STX18: variants seen among roughly 807,000 people sequenced by gnomAD.
The protein encoded by STX18 is syntaxin 18.
A neutral mutation model predicts 50.1 loss-of-function variants in STX18; 40 were observed. The ratio of observed to expected loss-of-function variants is 0.80; its 90% CI spans 0.62 to 1.04. The LOEUF is 1.04. Among genes scored for constraint, STX18 ranks in the 50% least tolerant of loss-of-function variants. The pLI is 0.00. For synonymous variants in STX18, 158 were observed against 151.8 expected (o/e 1.04, Z -0.30); for missense variants, 410 against 415.8 (o/e 0.99, Z 0.12).
intron 5 of STX18, among the ~76,000 whole-genome samples, chr4:4,455,601 C>T (rs762374245): frequency 9.2e-5 from 14 of 152,160 alleles, no homozygotes; most frequent in Non-Finnish European, 1.6e-4. Flanking sequence ...GCAAAACATG[C>T]GGTTTGAATG....
intron 5 of STX18, among the ~76,000 whole-genome samples, chr4:4,444,790 A>AC (rs1726301923): frequency 6.7e-6 from 1 of 149,730 alleles, no homozygotes; most frequent in Non-Finnish European, 1.5e-5. Flanking sequence ...TGATATACAC[A>AC]TAAAAAAATG....
chr4:4,472,526 G>A (rs1286894617), intron 1 of STX18, among the ~76,000 whole-genome samples: 2 of 152,222 alleles, frequency 1.3e-5, no homozygotes, highest in Admixed American at 6.5e-5. Context: ...GCCTTGCAAG[G>A]TCTGCGGAAC....
intron 1 of STX18, among the ~76,000 whole-genome samples, chr4:4,517,630 C>G (rs1230691074): frequency 1.3e-5 from 2 of 152,138 alleles, no homozygotes. Flanking sequence ...TGTCATAAAA[C>G]CAAGGAGTTT....
chr4:4,471,632 T>C lies in STX18; in HGVS notation c.236+7A>G, dbSNP rs749081366. The stretch of plus-strand genomic sequence containing the variant: ...ACCAAAGTCCTGGTAAAAAAATATG[T>C]ACTTACCTATAAGCATTAATATAAT... On this transcript the variant is annotated splice_region_variant and intron_variant, in intron 2 of 10. Coordinates refer to ENST00000306200, the MANE Select transcript of STX18 (RefSeq NM_016930.4). The C allele has an allele frequency of 5.2e-6, 8 of 1,548,820 alleles. No homozygotes were observed. The highest frequency in any genetic ancestry group is 2.3e-5 in the Admixed American group (1 of 43,928).
At chr4:4,509,892 A>C (rs1425079938) in intron 1 of STX18, among the ~76,000 whole-genome samples, 1 of 152,176 alleles carries the variant, frequency 6.6e-6, no homozygotes, top group East Asian at 1.9e-4. Flanking sequence ...GGAAACAATA[A>C]GTACAAAGGC....
intron 5 of STX18, among the ~76,000 whole-genome samples, chr4:4,449,255 C>T (rs970557578): frequency 6.8e-6 from 1 of 146,354 alleles, no homozygotes; most frequent in African/African-American, 2.7e-5. Context: ...CTATATTGCC[C>T]GGGTTGGTCT....
intron 5 of STX18, among the ~76,000 whole-genome samples, chr4:4,450,023 C>T (rs752025103): frequency 1.8e-4 from 27 of 152,110 alleles, no homozygotes; most frequent in Non-Finnish European, 3.2e-4. Context: ...GGCCTGGCTC[C>T]CTGAAGGTGA....
At chr4:4,501,160 G>A (rs1275479208) in intron 1 of STX18, among the ~76,000 whole-genome samples, 2 of 152,064 alleles carry the variant, frequency 1.3e-5, no homozygotes, top group Admixed American at 6.5e-5. Flanking sequence ...ACATCTTTTT[G>A]CTAAACTATA....
intron 1 of STX18, among the ~76,000 whole-genome samples, chr4:4,500,209 C>G (rs972472854): frequency 6.6e-6 from 1 of 152,144 alleles, no homozygotes; most frequent in Non-Finnish European, 1.5e-5. Flanking sequence ...ATAACATCAC[C>G]TAGAAAGAAA....
intron 7 of STX18, chr4:4,425,458 C>T: frequency 3.4e-6 from 2 of 596,156 alleles, no homozygotes; most frequent in Non-Finnish European, 6.0e-6. Context: ...ATCTCAACCA[C>T]TGCACTCCAG....
intron 1 of STX18, among the ~76,000 whole-genome samples, chr4:4,480,384 C>G (rs1728399567): frequency 1.3e-5 from 2 of 152,300 alleles, no homozygotes; most frequent in Admixed American, 1.3e-4. Flanking sequence ...TCTCCAGACG[C>G]AAAGCCCTCC....
rs534989129 is a variant in STX18 at position 4,507,089 on chromosome 4, T to G, written c.168+34708A>C. 9 of 538,754 alleles carry G rather than the reference T, an allele frequency of 1.7e-5. No individual in the cohort carries two copies. In the East Asian group the frequency reaches 4.4e-4, roughly 26 times the overall value. The allele number at this position is 538,754 out of a possible 1,614,324, so 33.4% of individuals were successfully genotyped here. On this transcript the variant is annotated intron_variant, in intron 1 of 10. Coordinates refer to ENST00000306200, the MANE Select transcript of STX18 (RefSeq NM_016930.4). Reference sequence around the variant, plus strand: ...CAGCAAGGAGAAGGCCATGTTCAGTTGGAGCGCCAAGATCGTGAAGCCCAA... The same window carrying G: ...CAGCAAGGAGAAGGCCATGTTCAGTGGGAGCGCCAAGATCGTGAAGCCCAA...
chr4:4,459,423 G>C lies in STX18; in HGVS notation c.301C>G (p.Gln101Glu). 1 of 1,614,106 alleles carries C rather than the reference G, an allele frequency of 6.2e-7. No homozygotes were observed. Among genetic ancestry groups the C allele is most frequent in the Non-Finnish European group, 8.5e-7 (1 of 1,180,012 alleles). Residue 101 changes from glutamine to glutamate, a missense_variant, in exon 3 of 11, where the codon CAG becomes GAG. By Grantham distance (29) the Gln-to-Glu change is conservative. Coordinates refer to ENST00000306200, the MANE Select transcript of STX18 (RefSeq NM_016930.4). ...TCTGAACAGGTCCTCATGAATATCT[G>C]GGCATCCTGGTCTATCTGGTCTCGT... Reference protein sequence around the residue: ...TERDQIDQDAQIFMRTCSEAI... With the variant: ...TERDQIDQDAEIFMRTCSEAI...
chr4:4,501,588 T>C (rs1179372773), intron 1 of STX18, among the ~76,000 whole-genome samples: 1 of 152,182 alleles, frequency 6.6e-6, no homozygotes, highest in Non-Finnish European at 1.5e-5. Flanking sequence ...GTTCTAACAT[T>C]TTATGATTCT....
chr4:4,518,242 G>A (rs548296903), intron 1 of STX18, among the ~76,000 whole-genome samples: 9 of 152,244 alleles, frequency 5.9e-5, no homozygotes, highest in African/African-American at 1.9e-4. Context: ...TTTGTTAAAC[G>A]TAAGATATAC....
At chr4:4,476,549 C>T (rs895281936) in intron 1 of STX18, among the ~76,000 whole-genome samples, 4 of 152,146 alleles carry the variant, frequency 2.6e-5, no homozygotes, top group South Asian at 2.1e-4. Flanking sequence ...ATGTTAAAGT[C>T]GTTTTAATGT....
rs1453189162 is a variant in STX18, at chr4:4,419,144, A to G, written c.*890T>C. On this transcript the variant is annotated 3_prime_UTR_variant, in exon 11 of 11. Transcript: ENST00000306200. Reference sequence around the variant, plus strand: ...GTCTCATGCCCATGTGGGCGCTGGGATGCTTCCTGTACAGATGTCTCATGC... The same window carrying G: ...GTCTCATGCCCATGTGGGCGCTGGGGTGCTTCCTGTACAGATGTCTCATGC... 3.3e-5 allele frequency: 5 copies of G among 152,248 alleles called. No homozygotes were observed. The highest frequency in any genetic ancestry group is 1.2e-4 in the African/African-American group (5 of 41,456). The allele number at this position is 152,248 out of a possible 1,614,324, so 9.4% of individuals were successfully genotyped here.
chr4:4,439,340 T>C (rs1231050229), intron 5 of STX18, among the ~76,000 whole-genome samples: 1 of 146,874 alleles, frequency 6.8e-6, no homozygotes, highest in African/African-American at 2.6e-5. Context: ...CACACCCACA[T>C]ACATATACTA....
intron 1 of STX18, among the ~76,000 whole-genome samples, chr4:4,496,431 C>A (rs1344183505): frequency 1.3e-5 from 2 of 152,198 alleles, no homozygotes; most frequent in East Asian, 3.9e-4. Context: ...CCAGCTTCTA[C>A]ATCTTTAAGG....
Sources: allele counts gnomAD v4.1 joint callset (sites outside exome capture counted in the v4.1 genomes callset), GRCh38; gene constraint gnomAD v4.1.1; transcripts MANE v1.5; gene names NCBI Gene and HGNC (gene_info 2026-07-23, HGNC 2026-07-21).